MAML2: variants seen among roughly 807,000 people sequenced by gnomAD.
MAML2 encodes the protein mastermind-like protein 2.
Under a neutral mutation model 96.1 loss-of-function variants are expected in MAML2, and 22 were observed. The observed-to-expected ratio is 0.23, with a 90% CI of 0.16 to 0.33. The LOEUF (loss-of-function observed/expected upper bound fraction) is 0.33, where lower values mean the gene tolerates loss of function less well. MAML2 is among the 10% of genes least tolerant of loss of function. The pLI is 1.00. For missense variants in MAML2, 1,367 were observed against 1,392.4 expected, an observed-to-expected ratio of 0.98 and a Z score of 0.29; for synonymous variants, 561 against 521.3, an observed-to-expected ratio of 1.08 and a Z score of -1.04.
At chr11:96,164,599 C>G (rs1231174377) in intron 1 of MAML2, among the ~76,000 whole-genome samples, 1 of 152,120 alleles carries the variant, frequency 6.6e-6, no homozygotes, top group Non-Finnish European at 1.5e-5. Flanking sequence ...TGTGCCAAAG[C>G]CCCAAACTCA....
intron 2 of MAML2, among the ~76,000 whole-genome samples, chr11:96,043,105 C>T (rs367785331): frequency 1.9e-4 from 29 of 152,280 alleles, no homozygotes; most frequent in African/African-American, 6.5e-4. Context: ...CTCCAGGGAA[C>T]ACACAAAGAA....
In MAML2 at chr11:96,131,484, A is replaced by G. The variant is rs1484769854; in HGVS notation, c.514-37967T>C. Among the ~76,000 whole-genome samples, 3 of 152,208 alleles carry G rather than the reference A, an allele frequency of 2.0e-5. 1 individual carries two copies. The South Asian group carries it at 6.2e-4, about 31-fold the overall frequency. The stretch of plus-strand genomic sequence containing the variant: ...CAACTTGTTGTACACTTGAGAAAAT[A>G]ATATATGCTTTTCTCAAGTGTACAT... On this transcript the variant is annotated intron_variant, in intron 1 of 4. Transcript: ENST00000524717.
chr11:96,111,803 C>A lies in MAML2; in HGVS notation c.514-18286G>T, dbSNP rs561419153. Among the ~76,000 whole-genome samples the A allele has an allele frequency of 1.1e-4, 16 of 152,262 alleles. No individual in the cohort carries two copies. In the East Asian group the frequency reaches 2.7e-3, roughly 26 times the overall value. On this transcript the variant is annotated intron_variant, in intron 1 of 4. Transcript: ENST00000524717. ...TTCAGAGCCCACAGCTGGCTATGCC[C>A]AATCCAAAGCATGGAAATTGTTCAC...
chr11:96,306,947 C>T (rs1284327077), intron 1 of MAML2, among the ~76,000 whole-genome samples: 1 of 152,082 alleles, frequency 6.6e-6, no homozygotes, highest in Non-Finnish European at 1.5e-5. Flanking sequence ...TTATCATTTC[C>T]AAGTTGAAAT....
At chr11:96,058,049 T>C (rs962704542) in intron 2 of MAML2, among the ~76,000 whole-genome samples, 1 of 152,220 alleles carries the variant, frequency 6.6e-6, no homozygotes, top group Non-Finnish European at 1.5e-5. Flanking sequence ...TAAATCTGTG[T>C]CAGAGCCAGG....
intron 1 of MAML2, among the ~76,000 whole-genome samples, chr11:96,164,049 ATTT>A (rs1007269268): frequency 1.3e-5 from 2 of 149,442 alleles, no homozygotes; most frequent in African/African-American, 4.9e-5. Flanking sequence ...TTTTTTTGGT[ATTT>A]TTAGTAAAGA....
At chr11:96,285,262 G>A (rs549276406) in intron 1 of MAML2, among the ~76,000 whole-genome samples, 15 of 152,022 alleles carry the variant, frequency 9.9e-5, no homozygotes, top group East Asian at 3.9e-4. Flanking sequence ...TGAATCCCAC[G>A]AACTGGCTAG....
chr11:96,104,585 G>C (rs1418229570), intron 1 of MAML2, among the ~76,000 whole-genome samples: 1 of 152,178 alleles, frequency 6.6e-6, no homozygotes, highest in Admixed American at 6.5e-5. Context: ...GTTGACTCAA[G>C]CTGACCCTTT....
intron 2 of MAML2, among the ~76,000 whole-genome samples, chr11:96,006,495 A>G (rs1448352581): frequency 6.6e-6 from 1 of 152,100 alleles, no homozygotes; most frequent in Non-Finnish European, 1.5e-5. Context: ...GACTATGAAC[A>G]TAGAAAACAG....
rs71459791 is a variant in MAML2 at position 96,199,196 on chromosome 11, CAAAAAAAAA to C, written c.514-105688_514-105680del. Among the ~76,000 whole-genome samples, 139 of 58,618 alleles carry C rather than the reference CAAAAAAAAA, an allele frequency of 2.4e-3. 2 individuals carry two copies. Among genetic ancestry groups the C allele is most frequent in the Middle Eastern group, 0.022 (2 of 90 alleles). 38.5% of individuals were successfully genotyped at this position (58,618 alleles called of 152,430 possible). On this transcript the variant is annotated intron_variant, in intron 1 of 4. Coordinates refer to ENST00000524717, the MANE Select transcript of MAML2 (RefSeq NM_032427.4). ...TGGGCAACAGAGCAAGCCTCCGTCTCAAAAAAAAAAAAAAAAAAAAAAAAAAGAGAGGGG... is the reference window on the plus strand; with the variant it reads ...TGGGCAACAGAGCAAGCCTCCGTCTCAAAAAAAAAAAAAAAAAGAGAGGGG...
Position 96,214,084 on chromosome 11 carries a change from AATATAC to A in MAML2, c.514-120573_514-120568del, listed in dbSNP as rs538912890. On this transcript the variant is annotated intron_variant, in intron 1 of 4. Coordinates refer to ENST00000524717, the MANE Select transcript of MAML2 (RefSeq NM_032427.4). ...TATATTTTGTATGTATATATACACAAATATACATATACATATATACAAATAGTGAAA... is the reference window on the plus strand; with the variant it reads ...TATATTTTGTATGTATATATACACAAATATACATATATACAAATAGTGAAA... 1.6e-4 allele frequency among the ~76,000 whole-genome samples: 25 copies of A among 152,354 alleles called. No homozygotes were observed. In the South Asian group the frequency reaches 4.6e-3, roughly 28 times the overall value.
chr11:96,078,745 T>A (rs1430336345), intron 2 of MAML2, among the ~76,000 whole-genome samples: 1 of 152,238 alleles, frequency 6.6e-6, no homozygotes, highest in Non-Finnish European at 1.5e-5. Context: ...ATAAATGGAA[T>A]ACATCAATGG....
intron 1 of MAML2, among the ~76,000 whole-genome samples, chr11:96,143,272 T>C (rs1453745559): frequency 1.3e-5 from 2 of 152,216 alleles, no homozygotes; most frequent in Admixed American, 1.3e-4. Flanking sequence ...CAGTATAACA[T>C]GGTACAGCTT....
At chr11:96,016,047 T>G (rs1006254115) in intron 2 of MAML2, among the ~76,000 whole-genome samples, 1 of 152,170 alleles carries the variant, frequency 6.6e-6, no homozygotes, top group African/African-American at 2.4e-5. Flanking sequence ...TCAGGTCGCT[T>G]CTAAAGTCCT....
intron 1 of MAML2, among the ~76,000 whole-genome samples, chr11:96,278,621 C>T (rs1266169469): frequency 6.6e-6 from 1 of 152,106 alleles, no homozygotes; most frequent in African/African-American, 2.4e-5. Flanking sequence ...ACTTATGACT[C>T]ATTGAGTAGT....
At chr11:96,008,219 C>T (rs75440669) in intron 2 of MAML2, among the ~76,000 whole-genome samples, 2,959 of 128,224 alleles carry the variant, frequency 0.023, 93 homozygotes, top group African/African-American at 0.082. Flanking sequence ...TTTTCCTCAG[C>T]AATTTGGGTA....
chr11:96,087,442 C>T (rs1255281024), intron 2 of MAML2, among the ~76,000 whole-genome samples: 4 of 152,128 alleles, frequency 2.6e-5, no homozygotes, highest in Non-Finnish European at 4.4e-5. Context: ...CACAGACAAC[C>T]CACAGTATGT....
chr11:96,002,591 TGATGAGGATGATGGG>T (rs2135719076), intron 2 of MAML2, among the ~76,000 whole-genome samples: 1 of 149,052 alleles, frequency 6.7e-6, no homozygotes, highest in Admixed American at 6.7e-5. Flanking sequence ...ATGACAGGGA[TGATGAGGATGATGGG>T]GATGAGGAGG....
chr11:96,232,407 T>C (rs1446880280), intron 1 of MAML2, among the ~76,000 whole-genome samples: 2 of 152,110 alleles, frequency 1.3e-5, no homozygotes, highest in African/African-American at 4.8e-5. Context: ...CCTAAAGGCC[T>C]ATGGTGTTAA....
Sources: allele counts gnomAD v4.1 joint callset (sites outside exome capture counted in the v4.1 genomes callset), GRCh38; gene constraint gnomAD v4.1.1; transcripts MANE v1.5; gene names NCBI Gene and HGNC (gene_info 2026-07-23, HGNC 2026-07-21).